FBLN1: variants seen among roughly 807,000 people sequenced by gnomAD.
FBLN1 encodes fibulin 1.
FBLN1 carries 34 observed loss-of-function variants against 89.7 expected under a neutral mutation model. The observed-to-expected ratio is 0.38, with a 90% confidence interval of 0.29 to 0.50. The LOEUF (loss-of-function observed/expected upper bound fraction) is 0.50, where lower values mean the gene tolerates loss of function less well. Ranked by LOEUF, FBLN1 falls within the 20% of genes least tolerant of loss-of-function variation. The pLI, the probability that FBLN1 is intolerant of heterozygous loss-of-function variation, is 0.92. For synonymous variants in FBLN1, 393 were observed against 391.3 expected (o/e 1.00, Z -0.05); for missense variants, 777 against 988.1 (o/e 0.79, Z 2.86).
chr22:45,510,225 G>T (rs145433026), intron 1 of FBLN1, among the ~76,000 whole-genome samples: 3 of 152,100 alleles, frequency 2.0e-5, no homozygotes, highest in African/African-American at 4.8e-5. Flanking sequence ...GGAAGGACGC[G>T]GTCTCACAAT....
chr22:45,506,180 G>C (rs1374320428), intron 1 of FBLN1, among the ~76,000 whole-genome samples: 2 of 152,272 alleles, frequency 1.3e-5, no homozygotes, highest in African/African-American at 4.8e-5. Flanking sequence ...CCTTGGAGGA[G>C]ATGAGGCTTG....
chr22:45,575,238 AC>A lies in FBLN1; in HGVS notation c.1840+586del, dbSNP rs2088986508. 6.6e-6 allele frequency among the ~76,000 whole-genome samples: 1 copy of A among 152,084 alleles called. No homozygotes were observed. The highest frequency in any genetic ancestry group is 1.5e-5 in the Non-Finnish European group (1 of 68,030). ...ATTAAGCGCTGATTCTGTGACCAGC[AC>A]TGGAGAATCAGGGAGGGCCTCCGGG... On this transcript the variant is annotated intron_variant, in intron 15 of 16. Transcript: ENST00000327858. This position sits in a 1 kb window ranked among gnomAD's most constrained non-coding sequence, Gnocchi z 6.3.
In FBLN1 at chr22:45,600,840, T is replaced by A. The variant is rs1920926303; in HGVS notation, c.*394T>A. The A allele has an allele frequency of 2.9e-5, 9 of 311,948 alleles. No homozygotes were observed. The highest frequency in any genetic ancestry group is 2.7e-4 in the South Asian group (9 of 33,136). The allele number at this position is 311,948 out of a possible 1,614,324, so 19.3% of individuals were successfully genotyped here. A position where few individuals can be genotyped will look rare whatever the true frequency, so the allele number is the denominator to read the frequency against. ...AATTTGACATTTTGGCACTTTTTTT[T>A]TTTTTTTGGCCAATCAGATTTTCTA... On this transcript the variant is annotated 3_prime_UTR_variant, in exon 17 of 17. Coordinates refer to ENST00000327858, the MANE Select transcript of FBLN1 (RefSeq NM_006486.3).
At chr22:45,543,813 C>T (rs865830106) in intron 11 of FBLN1, among the ~76,000 whole-genome samples, 5 of 152,206 alleles carry the variant, frequency 3.3e-5, no homozygotes, top group Admixed American at 1.3e-4. Context: ...ATGACACCCA[C>T]GAGTCACAGG....
At chr22:45,519,792 T>C (rs1602169457) in intron 2 of FBLN1, among the ~76,000 whole-genome samples, 1 of 151,836 alleles carries the variant, frequency 6.6e-6, no homozygotes, top group Admixed American at 6.6e-5. Context: ...GCTGGGGAGG[T>C]GGACCAACCT....
chr22:45,511,854 C>G (rs1203690998), intron 1 of FBLN1, among the ~76,000 whole-genome samples: 1 of 152,192 alleles, frequency 6.6e-6, no homozygotes, highest in Admixed American at 6.5e-5. Context: ...GTTGCCTTCC[C>G]TGGGAACATT....
chr22:45,550,734 GCACT>G lies in FBLN1; in HGVS notation c.1697+122_1697+125del. 7.0e-7 allele frequency: 1 copy of G among 1,433,520 alleles called. No individual in the cohort carries two copies. Among genetic ancestry groups the G allele is most frequent in the Admixed American group, 1.7e-5 (1 of 59,410 alleles). 88.8% of individuals were successfully genotyped at this position (1,433,520 alleles called of 1,614,324 possible). A position where few individuals can be genotyped will look rare whatever the true frequency, so the allele number is the denominator to read the frequency against. On this transcript the variant is annotated intron_variant, in intron 14 of 16. Transcript: ENST00000327858. The surrounding 1 kb of genome is among the most constrained non-coding windows in gnomAD (Gnocchi z 8.4). ...GGTGTCCTCCCATGAGGGACTCAGG[GCACT>G]CAAAGATCACCTGATCCCTGGCCCT... is the stretch of plus-strand genomic sequence containing the variant.
Position 45,550,556 on chromosome 22 carries a change from G to T in FBLN1, c.1638G>T (p.Gln546His), listed in dbSNP as rs756456553. 6.2e-7 allele frequency: 1 copy of T among 1,614,140 alleles called. No homozygotes were observed. ...TCAACGAGACCTGCTTCAACATCCA[G>T]GGCGGCTTCCGCTGCCTGGCCTTCG... ...CSINETCFNIQGGFRCLAFEC... is the reference protein window; with the variant it reads ...CSINETCFNIHGGFRCLAFEC... Residue 546 changes from glutamine (Q) to histidine (H), a missense_variant, in exon 14 of 17, where the codon CAG (glutamine) becomes CAT (histidine). Coordinates refer to ENST00000327858, the MANE Select transcript of FBLN1 (RefSeq NM_006486.3). This position sits in a 1 kb window ranked among gnomAD's most constrained non-coding sequence, Gnocchi z 8.4.
At chr22:45,589,110 A>T (rs143134840) in intron 16 of FBLN1, among the ~76,000 whole-genome samples, 126 of 147,528 alleles carry the variant, frequency 8.5e-4, no homozygotes, top group African/African-American at 3.0e-3. Flanking sequence ...AATATATAAA[A>T]ATATTTTTAT....
chr22:45,523,328 T>C (rs1602172833), intron 2 of FBLN1: 1 of 543,786 alleles, frequency 1.8e-6, no homozygotes, highest in Admixed American at 2.9e-5. Context: ...GGCTGGGGTG[T>C]TGGGGGTGAG....
rs910505052 is a variant in FBLN1, at chr22:45,543,615, C to T, written c.1321+89C>T. The T allele has an allele frequency of 7.4e-6, 11 of 1,489,260 alleles. No homozygotes were observed. The East Asian group carries it at 9.6e-5, about 13-fold the overall frequency. The allele number at this position is 1,489,260 out of a possible 1,614,324, so 92.3% of individuals were successfully genotyped here. On this transcript the variant is annotated intron_variant, in intron 11 of 16. Transcript: ENST00000327858. ...TCTGCAGACCGGTTTGCAGCAGATC[C>T]GCGATGGTTTCCCTGTTAAATGACA...
intron 7 of FBLN1, among the ~76,000 whole-genome samples, chr22:45,534,989 G>C (rs1225613401): frequency 6.6e-6 from 1 of 152,070 alleles, no homozygotes; most frequent in African/African-American, 2.4e-5. Flanking sequence ...TAAGAGCCTT[G>C]GGAAAAAAAG....
intron 14 of FBLN1, among the ~76,000 whole-genome samples, chr22:45,560,002 C>T (rs1002001191): frequency 2.0e-5 from 3 of 152,218 alleles, no homozygotes; most frequent in African/African-American, 7.2e-5. Context: ...CTTTTGTCCA[C>T]TTGATCTAGA....
intron 16 of FBLN1, among the ~76,000 whole-genome samples, chr22:45,591,061 A>G (rs2089132201): frequency 1.3e-5 from 2 of 152,166 alleles, no homozygotes; most frequent in Admixed American, 1.3e-4. Flanking sequence ...CTTCTCCTAA[A>G]AGGAGGTGCC....
rs1363775986 is a variant in FBLN1, at chr22:45,581,077, C to T, written c.1972+3969C>T. Among the ~76,000 whole-genome samples the T allele has an allele frequency of 6.6e-6, 1 of 152,236 alleles. No homozygotes were observed. The highest frequency in any genetic ancestry group is 2.4e-5 in the African/African-American group (1 of 41,470). The stretch of plus-strand genomic sequence containing the variant: ...CTGGATTCATTCTCAGCTCTGCAGC[C>T]TGTAATCCGGGGTGCTCTGGGAAGA... On this transcript the variant is annotated intron_variant, in intron 16 of 16. Coordinates refer to ENST00000327858, the MANE Select transcript of FBLN1 (RefSeq NM_006486.3). The surrounding 1 kb of genome is among the most constrained non-coding windows in gnomAD (Gnocchi z 7.6).
At chr22:45,523,236 A>C in intron 2 of FBLN1, 1 of 750,754 alleles carries the variant, frequency 1.3e-6, no homozygotes, top group Non-Finnish European at 2.5e-6. Context: ...GGGTGGCTGG[A>C]GTGGAGCCAG....
intron 1 of FBLN1, among the ~76,000 whole-genome samples, chr22:45,511,094 T>G (rs1003746329): frequency 1.3e-5 from 2 of 152,178 alleles, no homozygotes; most frequent in Admixed American, 1.3e-4. Flanking sequence ...AGCTTCTGTT[T>G]TTTCCTGTGG....
chr22:45,563,485 T>G lies in FBLN1; in HGVS notation c.1698-11026T>G. ...GGGCTGACTGAGGAGCGCTCCCCAC[T>G]AGAGGGTGTGTGCTCGGGGGTCCCT... On this transcript the variant is annotated intron_variant, in intron 14 of 16. Coordinates refer to ENST00000327858, the MANE Select transcript of FBLN1 (RefSeq NM_006486.3). This position sits in a 1 kb window ranked among gnomAD's most constrained non-coding sequence, Gnocchi z 5.7. 6 of 950,360 alleles carry G rather than the reference T, an allele frequency of 6.3e-6. No homozygotes were observed. The highest frequency in any genetic ancestry group is 2.7e-5 in the East Asian group (1 of 36,580). 58.9% of individuals were successfully genotyped at this position (950,360 alleles called of 1,614,324 possible).
At chr22:45,548,587 G>A in intron 12 of FBLN1, 26 bp from the exon 13 acceptor site, 1 of 1,613,208 alleles carries the variant, frequency 6.2e-7, no homozygotes, top group Non-Finnish European at 8.5e-7. Context: ...AGGACACTGA[G>A]GCTGAGGTGG....
Sources: allele counts gnomAD v4.1 joint callset (sites outside exome capture counted in the v4.1 genomes callset), GRCh38; gene constraint gnomAD v4.1.1; non-coding constraint Gnocchi (gnomAD v3.1); transcripts MANE v1.5; gene names NCBI Gene and HGNC (gene_info 2026-07-23, HGNC 2026-07-21).